UBR3: variants seen among roughly 807,000 people sequenced by gnomAD.
The protein encoded by UBR3 is E3 ubiquitin-protein ligase UBR3.
UBR3 carries 85 observed loss-of-function variants against 243.2 expected under a neutral mutation model. The observed-to-expected ratio is 0.35, with a 90% CI of 0.29 to 0.42. The LOEUF is 0.42. Among genes scored for constraint, UBR3 ranks in the 10% least tolerant of loss-of-function variants. UBR3 has a pLI of 1.00. For synonymous variants in UBR3, 748 were observed against 799.8 expected (o/e 0.94, Z 1.09); for missense variants, 1,686 against 2,300.8 (o/e 0.73, Z 5.47).
At chr2:170,064,803 A>AT in intron 35 of UBR3, among the ~76,000 whole-genome samples, 1,055 of 87,840 alleles carry the variant, frequency 0.012, 12 homozygotes, top group Non-Finnish European at 0.017. Context: ...TGCTTTTTCT[A>AT]TTTTTTTTTT....
intron 7 of UBR3, 148 bp downstream of exon 7, chr2:169,895,459 T>C (rs1362128959): frequency 7.8e-6 from 7 of 902,722 alleles, no homozygotes; most frequent in Non-Finnish European, 1.1e-5. Context: ...CACAAGTTCT[T>C]CACAAAAGGC....
At chr2:169,828,994 GAAAA>G (rs750156008) in intron 1 of UBR3, among the ~76,000 whole-genome samples, 1 of 152,058 alleles carries the variant, frequency 6.6e-6, no homozygotes, top group Non-Finnish European at 1.5e-5. Context: ...GACAGTCTGA[GAAAA>G]AAGGAAAAAG....
At chr2:170,077,890 T>G (rs2091842775) in intron 36 of UBR3, 1 of 436,644 alleles carries the variant, frequency 2.3e-6, no homozygotes, top group African/African-American at 2.1e-5. Flanking sequence ...CTGGCTCTGT[T>G]CAAATAACTC....
At chr2:169,955,609 T>C (rs1308455016) in intron 23 of UBR3, among the ~76,000 whole-genome samples, 1 of 151,392 alleles carries the variant, frequency 6.6e-6, no homozygotes, top group Non-Finnish European at 1.5e-5. Flanking sequence ...GCCTGGCCAA[T>C]GTGGAGAAAC....
chr2:169,898,980 C>T (rs1008881433), intron 8 of UBR3, among the ~76,000 whole-genome samples: 2 of 151,990 alleles, frequency 1.3e-5, no homozygotes, highest in Middle Eastern at 3.4e-3. Context: ...GGATTACAGG[C>T]GTGAGCCACC....
intron 1 of UBR3, among the ~76,000 whole-genome samples, chr2:169,845,839 C>G (rs1335319535): frequency 6.6e-6 from 1 of 152,150 alleles, no homozygotes; most frequent in South Asian, 2.1e-4. Flanking sequence ...CTGCCTCAGC[C>G]TCCCAGAATG....
At chr2:169,885,154 G>T (rs1380012666) in intron 5 of UBR3, among the ~76,000 whole-genome samples, 1 of 152,104 alleles carries the variant, frequency 6.6e-6, no homozygotes, top group Non-Finnish European at 1.5e-5. Context: ...TACCTTATAG[G>T]CCCATGGGAT....
intron 1 of UBR3, among the ~76,000 whole-genome samples, chr2:169,836,413 T>C (rs953437728): frequency 5.9e-5 from 9 of 151,902 alleles, no homozygotes; most frequent in African/African-American, 2.2e-4. Context: ...CTTGTTTTTC[T>C]GCTTATTGAA....
At chr2:169,979,096 A>G (rs2088600252) in intron 24 of UBR3, among the ~76,000 whole-genome samples, 1 of 152,234 alleles carries the variant, frequency 6.6e-6, no homozygotes, top group African/African-American at 2.4e-5. Context: ...AAATGAGCAG[A>G]AGATCTGAAC....
intron 1 of UBR3, among the ~76,000 whole-genome samples, chr2:169,866,781 CAG>C (rs959513337): frequency 3.9e-5 from 6 of 152,320 alleles, no homozygotes; most frequent in Admixed American, 2.0e-4. Flanking sequence ...GGATGGGACA[CAG>C]AGGCAACTGA....
intron 28 of UBR3, among the ~76,000 whole-genome samples, chr2:170,008,178 TA>T (rs1396046565): frequency 6.6e-6 from 1 of 151,696 alleles, no homozygotes. Flanking sequence ...TTCACCTTCA[TA>T]AAAAAAAATT....
At chr2:169,986,161 G>GAGAT (rs2105387858) in intron 24 of UBR3, among the ~76,000 whole-genome samples, 1 of 152,124 alleles carries the variant, frequency 6.6e-6, no homozygotes, top group Non-Finnish European at 1.5e-5. Context: ...TACTATTTCT[G>GAGAT]AGATATAATC....
intron 1 of UBR3, among the ~76,000 whole-genome samples, chr2:169,848,653 T>C (rs1049228704): frequency 2.6e-5 from 4 of 152,042 alleles, no homozygotes; most frequent in Non-Finnish European, 5.9e-5. Context: ...ACCTGTTATA[T>C]ATATGAGTAA....
chr2:169,911,187 T>A (rs979689140), intron 10 of UBR3, among the ~76,000 whole-genome samples: 3 of 152,126 alleles, frequency 2.0e-5, no homozygotes, highest in Admixed American at 1.3e-4. Context: ...ACTAATGACA[T>A]GAAGATTGGA....
chr2:169,927,547 C>T, intron 17 of UBR3, 142 bp downstream of exon 17: 1 of 597,452 alleles, frequency 1.7e-6, no homozygotes, highest in Non-Finnish European at 2.8e-6. Flanking sequence ...CAGTTGTGTG[C>T]TCAAGTATGT....
intron 2 of UBR3, among the ~76,000 whole-genome samples, chr2:169,873,715 T>C (rs1290923198): frequency 6.6e-6 from 1 of 152,108 alleles, no homozygotes; most frequent in Non-Finnish European, 1.5e-5. Flanking sequence ...GAAAAAAGAA[T>C]ATATAAAGAA....
intron 1 of UBR3, among the ~76,000 whole-genome samples, chr2:169,863,392 AATG>A (rs1277122872): frequency 6.6e-6 from 1 of 152,200 alleles, no homozygotes; most frequent in African/African-American, 2.4e-5. Context: ...AAAATTTTAA[AATG>A]ATGATGTCAA....
At chr2:170,029,244 TGGGAAACAGA>T (rs2090608335) in intron 30 of UBR3, 92 bp from the exon 31 acceptor site, 2 of 886,638 alleles carry the variant, frequency 2.3e-6, no homozygotes, top group African/African-American at 3.4e-5. Context: ...ATTGTCAGGA[TGGGAAACAGA>T]TTTCCTTATG....
intron 31 of UBR3, among the ~76,000 whole-genome samples, chr2:170,031,886 G>A (rs2105424180): frequency 6.6e-6 from 1 of 152,200 alleles, no homozygotes; most frequent in Middle Eastern, 3.4e-3. Context: ...AGTAGTCCAT[G>A]GTATATAGGT....
Sources: allele counts gnomAD v4.1 joint callset (sites outside exome capture counted in the v4.1 genomes callset), GRCh38; gene constraint gnomAD v4.1.1; transcripts MANE v1.5; gene names NCBI Gene and HGNC (gene_info 2026-07-23, HGNC 2026-07-21).